The following ADGRB3 variants were observed in gnomAD, a reference collection of about 807,000 sequenced individuals.
The protein encoded by ADGRB3 is adhesion G protein-coupled receptor B3.
A neutral mutation model predicts 193.4 loss-of-function variants in ADGRB3; 37 were observed. The observed-to-expected ratio is 0.19, with a 90% CI of 0.15 to 0.25. The LOEUF (loss-of-function observed/expected upper bound fraction) is 0.25. ADGRB3 is among the 10% of genes least tolerant of loss of function. The probability of loss-of-function intolerance (pLI) is 1.00; values close to 1 mark genes in which losing one functional copy is unlikely to be tolerated. For synonymous variants in ADGRB3, 690 were observed against 644.2 expected (o/e 1.07, Z -1.08); for missense variants, 1,637 against 1,852.9 (o/e 0.88, Z 2.14).
chr6:68,818,969 A>T (rs149958439), intron 3 of ADGRB3, among the ~76,000 whole-genome samples: 1 of 152,092 alleles, frequency 6.6e-6, no homozygotes, highest in Non-Finnish European at 1.5e-5. Context: ...GAAAGGAACA[A>T]TGCACATGGC....
intron 3 of ADGRB3, among the ~76,000 whole-genome samples, chr6:68,671,081 A>G (rs1302453359): frequency 6.6e-6 from 1 of 152,024 alleles, no homozygotes; most frequent in Admixed American, 6.6e-5. Flanking sequence ...GTATGTAAAA[A>G]TGCTACTAAA....
At chr6:68,964,312 C>T (rs2150260082) in intron 8 of ADGRB3, among the ~76,000 whole-genome samples, 1 of 152,270 alleles carries the variant, frequency 6.6e-6, no homozygotes, top group Non-Finnish European at 1.5e-5. Context: ...CAAGGCAGTT[C>T]TACCCTGTCA....
chr6:69,138,146 A>G (rs1774209792), intron 17 of ADGRB3, among the ~76,000 whole-genome samples: 1 of 152,228 alleles, frequency 6.6e-6, no homozygotes, highest in African/African-American at 2.4e-5. Context: ...ACTTCAAGAA[A>G]GAAGCCTGGA....
chr6:69,116,354 C>T (rs1036488909), intron 17 of ADGRB3, among the ~76,000 whole-genome samples: 3 of 152,164 alleles, frequency 2.0e-5, no homozygotes, highest in African/African-American at 7.2e-5. Context: ...AAACACTGCG[C>T]CCACACACAC....
chr6:69,091,650 G>A (rs1209721978), intron 17 of ADGRB3, among the ~76,000 whole-genome samples: 1 of 152,128 alleles, frequency 6.6e-6, no homozygotes, highest in Non-Finnish European at 1.5e-5. Flanking sequence ...AGGCTGGCGG[G>A]TGGGAGGAGG....
chr6:68,715,187 A>G (rs1765469139), intron 3 of ADGRB3, among the ~76,000 whole-genome samples: 1 of 151,690 alleles, frequency 6.6e-6, no homozygotes, highest in Non-Finnish European at 1.5e-5. Context: ...TTATGGTTCT[A>G]TATATTGAAA....
intron 17 of ADGRB3, among the ~76,000 whole-genome samples, chr6:69,186,230 G>A (rs779487): frequency 0.099 from 14,673 of 148,448 alleles, 814 homozygotes; most frequent in Middle Eastern, 0.11. Context: ...TTTACTGAAT[G>A]AATTAAACTT....
intron 30 of ADGRB3, among the ~76,000 whole-genome samples, chr6:69,376,727 ACTT>A (rs1222533376): frequency 2.0e-5 from 3 of 152,068 alleles, no homozygotes; most frequent in Non-Finnish European, 2.9e-5. Context: ...TTCATAACAG[ACTT>A]CTTCCTGCGC....
intron 3 of ADGRB3, among the ~76,000 whole-genome samples, chr6:68,888,550 C>CACAG (rs1243686242): frequency 6.6e-6 from 1 of 150,502 alleles, no homozygotes; most frequent in Non-Finnish European, 1.5e-5. Flanking sequence ...GATACACACA[C>CACAG]ACACACACAC....
At chr6:69,279,949 T>C (rs1334882746) in intron 20 of ADGRB3, among the ~76,000 whole-genome samples, 1 of 152,126 alleles carries the variant, frequency 6.6e-6, no homozygotes, top group East Asian at 1.9e-4. Flanking sequence ...GAGAAAAGCC[T>C]CCTACTGCTT....
At chr6:69,039,751 T>TC (rs944040446) in intron 13 of ADGRB3, among the ~76,000 whole-genome samples, 1 of 149,660 alleles carries the variant, frequency 6.7e-6, no homozygotes, top group African/African-American at 2.5e-5. Context: ...TCTTTTTTTT[T>TC]TTTTTTTTGA....
intron 11 of ADGRB3, among the ~76,000 whole-genome samples, chr6:68,999,843 T>C (rs1769513882): frequency 6.6e-6 from 1 of 152,132 alleles, no homozygotes; most frequent in Non-Finnish European, 1.5e-5. Flanking sequence ...ATGTAGACAC[T>C]CAAATATTTG....
intron 3 of ADGRB3, among the ~76,000 whole-genome samples, chr6:68,677,163 G>C (rs1189006455): frequency 2.6e-5 from 4 of 152,106 alleles, no homozygotes; most frequent in Non-Finnish European, 5.9e-5. Flanking sequence ...ATTTTATTCA[G>C]ATATTTGTAT....
chr6:68,816,979 T>C (rs1418792719), intron 3 of ADGRB3, among the ~76,000 whole-genome samples: 1 of 152,006 alleles, frequency 6.6e-6, no homozygotes, highest in Non-Finnish European at 1.5e-5. Context: ...ACAGACTTGT[T>C]AAGCCAACCC....
At chr6:69,101,012 G>T (rs1419825620) in intron 17 of ADGRB3, among the ~76,000 whole-genome samples, 1 of 127,988 alleles carries the variant, frequency 7.8e-6, no homozygotes, top group African/African-American at 2.9e-5. Context: ...GGGACACTTG[G>T]AGCCCATTAA....
chr6:69,386,372 C>G (rs1770071187), intron 31 of ADGRB3, among the ~76,000 whole-genome samples: 1 of 152,038 alleles, frequency 6.6e-6, no homozygotes, highest in Admixed American at 6.6e-5. Context: ...ATTGGACTTT[C>G]TTTCAAACTA....
intron 6 of ADGRB3, among the ~76,000 whole-genome samples, chr6:68,945,273 TATTA>T (rs901081708): frequency 1.3e-5 from 2 of 152,128 alleles, no homozygotes; most frequent in African/African-American, 2.4e-5. Flanking sequence ...CCTAAAATTT[TATTA>T]ATTCTGTGAA....
intron 3 of ADGRB3, among the ~76,000 whole-genome samples, chr6:68,647,166 C>T (rs904243377): frequency 6.6e-6 from 1 of 152,026 alleles, no homozygotes; most frequent in Non-Finnish European, 1.5e-5. Context: ...AACCTCTTAT[C>T]GTAATTGAAA....
intron 3 of ADGRB3, among the ~76,000 whole-genome samples, chr6:68,718,476 A>C (rs914237367): frequency 6.6e-6 from 1 of 151,768 alleles, no homozygotes; most frequent in Non-Finnish European, 1.5e-5. Context: ...TGTCAGCTCC[A>C]CTTAGAGTGA....
Sources: gnomAD v4.1 joint callset for allele counts (sites outside exome capture counted in the v4.1 genomes callset) on GRCh38, gnomAD v4.1.1 for gene constraint, MANE v1.5 for transcripts, NCBI Gene and HGNC (gene_info 2026-07-23, HGNC 2026-07-21) for gene names.